Variants in FBXO11 observed in about 807,000 individuals in gnomAD.
FBXO11 encodes F-box only protein 11.
Under a neutral mutation model 117.0 loss-of-function variants are expected in FBXO11, and 13 were observed. That is an observed-to-expected ratio of 0.11 (90% CI 0.07 to 0.18). The LOEUF (loss-of-function observed/expected upper bound fraction) is 0.18, where lower values mean the gene tolerates loss of function less well. Among genes scored for constraint, FBXO11 ranks in the 10% least tolerant of loss-of-function variants. The pLI is 1.00. For synonymous variants in FBXO11, 490 were observed against 380.5 expected (o/e 1.29, Z -3.35); for missense variants, 767 against 1,164.4 (o/e 0.66, Z 4.97).
chr2:47,839,857 C>T (rs1249189231), intron 1 of FBXO11, 88 bp from the exon 2 acceptor site: 8 of 1,180,558 alleles, frequency 6.8e-6, no homozygotes, highest in East Asian at 5.1e-5. Context: ...ACTTCAAATT[C>T]GGGAGGGAGC....
At chr2:47,862,549 A>C (rs568661515) in intron 1 of FBXO11, among the ~76,000 whole-genome samples, 1 of 152,322 alleles carries the variant, frequency 6.6e-6, no homozygotes, top group East Asian at 1.9e-4. Context: ...TCAGCCTTCC[A>C]GAGCAGCTAG....
intron 1 of FBXO11, among the ~76,000 whole-genome samples, chr2:47,875,432 C>T (rs1244982111): frequency 6.6e-6 from 1 of 151,150 alleles, no homozygotes; most frequent in Non-Finnish European, 1.5e-5. Flanking sequence ...AGTGAGAAAA[C>T]TGAAAAATGA....
chr2:47,825,633 G>A (rs1053972819), intron 11 of FBXO11, among the ~76,000 whole-genome samples: 10 of 142,898 alleles, frequency 7.0e-5, no homozygotes, highest in African/African-American at 2.4e-4. Flanking sequence ...GGGTTGGAGT[G>A]CAAGGGTGCA....
intron 20 of FBXO11, 112 bp downstream of exon 20, chr2:47,809,486 CTT>C (rs1670464615): frequency 1.1e-5 from 9 of 812,510 alleles, no homozygotes; most frequent in Non-Finnish European, 1.7e-5. Context: ...CAAAATCTAT[CTT>C]AAACTGTTGC....
intron 4 of FBXO11, among the ~76,000 whole-genome samples, chr2:47,836,658 T>A (rs1480135284): frequency 6.6e-6 from 1 of 152,086 alleles, no homozygotes; most frequent in Admixed American, 6.6e-5. Flanking sequence ...TGTAACTGCG[T>A]ATGAAAATTT....
At chr2:47,892,667 T>C (rs527281165) in intron 1 of FBXO11, among the ~76,000 whole-genome samples, 2 of 152,340 alleles carry the variant, frequency 1.3e-5, no homozygotes, top group South Asian at 4.1e-4. Flanking sequence ...TTGTTTTATC[T>C]CTGCAATTGA....
At chr2:47,900,713 T>G (rs867282976) in intron 1 of FBXO11, among the ~76,000 whole-genome samples, 10 of 117,170 alleles carry the variant, frequency 8.5e-5, no homozygotes, top group South Asian at 2.7e-4. Flanking sequence ...CGTGTATATA[T>G]ATACACGTAT....
chr2:47,895,463 C>T (rs1037705796), intron 1 of FBXO11, among the ~76,000 whole-genome samples: 1 of 152,056 alleles, frequency 6.6e-6, no homozygotes, highest in African/African-American at 2.4e-5. Flanking sequence ...ACAAGTAATC[C>T]AAGCAATCAG....
chr2:47,825,266 A>G (rs1671665381), intron 11 of FBXO11, among the ~76,000 whole-genome samples: 1 of 152,282 alleles, frequency 6.6e-6, no homozygotes, highest in East Asian at 1.9e-4. Flanking sequence ...CTATATTTGG[A>G]TTATAACCTT....
chr2:47,837,490 G>A (rs780695569), intron 4 of FBXO11, among the ~76,000 whole-genome samples: 3 of 152,172 alleles, frequency 2.0e-5, no homozygotes, highest in Non-Finnish European at 4.4e-5. Context: ...TTGTGCCACT[G>A]CACTCTAGCC....
At chr2:47,839,366 C>T (rs1672843803) in intron 3 of FBXO11, 53 bp downstream of exon 3, 5 of 1,521,764 alleles carry the variant, frequency 3.3e-6, no homozygotes, top group Non-Finnish European at 4.5e-6. Flanking sequence ...TGGTATCAAG[C>T]AAAATTAAAA....
intron 1 of FBXO11, among the ~76,000 whole-genome samples, chr2:47,863,124 C>T (rs556729122): frequency 5.5e-5 from 8 of 146,762 alleles, no homozygotes; most frequent in South Asian, 2.2e-4. Flanking sequence ...CAAAACAAAA[C>T]GAAACAAAAG....
intron 1 of FBXO11, among the ~76,000 whole-genome samples, chr2:47,902,154 T>C (rs1678346325): frequency 6.6e-6 from 1 of 152,094 alleles, no homozygotes; most frequent in Non-Finnish European, 1.5e-5. Flanking sequence ...CAGGCTGGTC[T>C]TGAACTCCTG....
chr2:47,848,519 T>C lies in FBXO11; in HGVS notation c.233-8750A>G, dbSNP rs1673596305. Among the ~76,000 whole-genome samples, 5 of 152,284 alleles carry C rather than the reference T, an allele frequency of 3.3e-5. No individual in the cohort carries two copies. In the South Asian group the frequency reaches 1.0e-3, roughly 32 times the overall value. ...AACCAGTCATTGGTGCCAAAAAAGG[T>C]TGGGGACCACTGTCTTAAAGGATAA... On this transcript the variant is annotated intron_variant, in intron 1 of 22. Coordinates refer to ENST00000403359, the MANE Select transcript of FBXO11 (RefSeq NM_001190274.2).
At chr2:47,808,983 C>T in intron 21 of FBXO11, 175 bp downstream of exon 21, 1 of 498,530 alleles carries the variant, frequency 2.0e-6, no homozygotes, top group South Asian at 2.7e-5. Flanking sequence ...AGGCATAAGC[C>T]ACCACGCCTA....
chr2:47,904,482 C>G (rs1049950575), intron 1 of FBXO11, among the ~76,000 whole-genome samples: 10 of 152,098 alleles, frequency 6.6e-5, no homozygotes, highest in African/African-American at 2.4e-4. Context: ...GAGCCTCAGC[C>G]CTTAGACAAT....
intron 1 of FBXO11, among the ~76,000 whole-genome samples, chr2:47,878,481 C>T (rs370451613): frequency 2.0e-5 from 3 of 152,026 alleles, no homozygotes; most frequent in East Asian, 2.0e-4. Flanking sequence ...CTCAGCCTCC[C>T]GAGTAGCTGG....
rs1387053758 is a variant in FBXO11 at position 47,835,946 on chromosome 2, G to C, written c.643C>G (p.Pro215Ala). ...GGATTAATCTGGTAGAATTTTCCAGGTTCAGGATGCATCATAGGGCGAGTA... is the reference window on the plus strand; with the variant it reads ...GGATTAATCTGGTAGAATTTTCCAGCTTCAGGATGCATCATAGGGCGAGTA... The part of the protein sequence containing the change: ...EYTRPMMHPE[P>A]GKFYQINPEE... The change falls in exon 5 of 23, where the codon CCT (proline) becomes GCT (alanine). Residue 215 changes from proline (P) to alanine (A), a missense_variant. Physicochemically the swap from Pro to Ala is conservative, Grantham distance 27 (BLOSUM62 -1). Coordinates refer to ENST00000403359, the MANE Select transcript of FBXO11 (RefSeq NM_001190274.2). 6.2e-7 allele frequency: 1 copy of C among 1,610,962 alleles called. No individual in the cohort carries two copies. Among genetic ancestry groups the C allele is most frequent in the Non-Finnish European group, 8.5e-7 (1 of 1,177,612 alleles).
intron 16 of FBXO11, among the ~76,000 whole-genome samples, chr2:47,814,521 G>A (rs527388643): frequency 6.6e-6 from 1 of 152,094 alleles, no homozygotes; most frequent in African/African-American, 2.4e-5. Flanking sequence ...TGGGACTACA[G>A]GTGCACACCA....
Sources: gnomAD v4.1 joint callset for allele counts (sites outside exome capture counted in the v4.1 genomes callset) on GRCh38, gnomAD v4.1.1 for gene constraint, MANE v1.5 for transcripts, NCBI Gene and HGNC (gene_info 2026-07-23, HGNC 2026-07-21) for gene names.